The following OSBPL1A variants were observed in gnomAD, a reference collection of about 807,000 sequenced individuals.
OSBPL1A encodes oxysterol binding protein like 1A.
OSBPL1A carries 80 observed loss-of-function variants against 137.1 expected under a neutral mutation model. The observed-to-expected ratio is 0.58, with a 90% CI of 0.49 to 0.70. OSBPL1A has a LOEUF of 0.70. Among genes scored for constraint, OSBPL1A ranks in the 30% least tolerant of loss-of-function variants. The probability of loss-of-function intolerance (pLI) is 0.00; values close to 1 mark genes in which losing one functional copy is unlikely to be tolerated. For synonymous variants in OSBPL1A, 365 were observed against 389.7 expected (o/e 0.94, Z 0.75); for missense variants, 970 against 1,129.4 (o/e 0.86, Z 2.02).
chr18:24,350,419 T>C (rs1310785931), intron 4 of OSBPL1A, among the ~76,000 whole-genome samples: 1 of 152,160 alleles, frequency 6.6e-6, no homozygotes, highest in African/African-American at 2.4e-5. Context: ...CTAACTTTTT[T>C]TGTAAGTCAC....
intron 4 of OSBPL1A, among the ~76,000 whole-genome samples, chr18:24,364,068 G>A (rs1030248612): frequency 6.6e-6 from 1 of 152,128 alleles, no homozygotes; most frequent in African/African-American, 2.4e-5. Flanking sequence ...CCCTTGCTGT[G>A]TAATCTAACA....
At chr18:24,345,555 G>A (rs567083189) in intron 4 of OSBPL1A, among the ~76,000 whole-genome samples, 4 of 152,138 alleles carry the variant, frequency 2.6e-5, no homozygotes, top group East Asian at 1.9e-4. Context: ...GCGTAGTGGC[G>A]CACACCTGTA....
chr18:24,299,050 T>G (rs2146097013), intron 14 of OSBPL1A, among the ~76,000 whole-genome samples: 2 of 152,354 alleles, frequency 1.3e-5, no homozygotes, highest in African/African-American at 4.8e-5. Context: ...TAGCTACTCC[T>G]GCCTGCTTTT....
chr18:24,375,765 T>A (rs1016996388), intron 2 of OSBPL1A, among the ~76,000 whole-genome samples: 1 of 152,182 alleles, frequency 6.6e-6, no homozygotes, highest in Non-Finnish European at 1.5e-5. Context: ...CTCTTCATCA[T>A]TATCTCCAAG....
intron 16 of OSBPL1A, among the ~76,000 whole-genome samples, chr18:24,238,334 GTCCCACTGATC>G (rs2088564664): frequency 6.6e-6 from 1 of 152,008 alleles, no homozygotes; most frequent in African/African-American, 2.4e-5. Context: ...ATTTTTCTCA[GTCCCACTGATC>G]TCCAACCACC....
chr18:24,263,942 C>T (rs1234263633), intron 15 of OSBPL1A, among the ~76,000 whole-genome samples: 1 of 152,090 alleles, frequency 6.6e-6, no homozygotes, highest in East Asian at 1.9e-4. Flanking sequence ...CAGCCTATTC[C>T]TAACATTTTA....
At chr18:24,384,766 A>C (rs1393517962) in intron 1 of OSBPL1A, among the ~76,000 whole-genome samples, 1 of 151,582 alleles carries the variant, frequency 6.6e-6, no homozygotes, top group Non-Finnish European at 1.5e-5. Context: ...GCTACTTGAG[A>C]GGCTGAGGCA....
chr18:24,163,582 T>TA (rs1567910077), intron 27 of OSBPL1A, among the ~76,000 whole-genome samples: 1 of 152,226 alleles, frequency 6.6e-6, no homozygotes, highest in Non-Finnish European at 1.5e-5. Context: ...TGTATTTGTC[T>TA]AACGGGTTTA....
At chr18:24,165,278 C>T (rs1284768458) in intron 26 of OSBPL1A, 123 bp from the exon 27 acceptor site, 1 of 884,620 alleles carries the variant, frequency 1.1e-6, no homozygotes, top group Non-Finnish European at 1.7e-6. Context: ...TATTAGAACA[C>T]AAATACCAGA....
chr18:24,273,718 G>A (rs1398689244), intron 15 of OSBPL1A, among the ~76,000 whole-genome samples: 1 of 152,124 alleles, frequency 6.6e-6, no homozygotes, highest in Non-Finnish European at 1.5e-5. Context: ...TCCAGTTTGT[G>A]AATATATAAT....
At chr18:24,251,771 A>AT (rs898695726) in intron 15 of OSBPL1A, among the ~76,000 whole-genome samples, 24 of 152,238 alleles carry the variant, frequency 1.6e-4, no homozygotes, top group African/African-American at 5.5e-4. Context: ...GACATGTGAC[A>AT]TTTCAGAGTG....
intron 18 of OSBPL1A, among the ~76,000 whole-genome samples, chr18:24,190,562 A>C (rs897444376): frequency 6.6e-6 from 1 of 152,206 alleles, no homozygotes; most frequent in African/African-American, 2.4e-5. Context: ...AAGACACGAC[A>C]TGAGAAATAG....
chr18:24,195,009 A>G (rs2086985227), intron 18 of OSBPL1A, among the ~76,000 whole-genome samples: 1 of 152,182 alleles, frequency 6.6e-6, no homozygotes, highest in South Asian at 2.1e-4. Flanking sequence ...CATTGGAAAA[A>G]TGCCAGAGGC....
intron 16 of OSBPL1A, among the ~76,000 whole-genome samples, chr18:24,229,903 A>C (rs2088217034): frequency 6.6e-6 from 1 of 152,058 alleles, no homozygotes; most frequent in Non-Finnish European, 1.5e-5. Flanking sequence ...AGCGCGCGCC[A>C]CCATGCCCGG....
intron 7 of OSBPL1A, among the ~76,000 whole-genome samples, chr18:24,325,127 A>C (rs1239921553): frequency 6.6e-6 from 1 of 152,154 alleles, no homozygotes; most frequent in Non-Finnish European, 1.5e-5. Flanking sequence ...GAATTCTTAG[A>C]ATGTATAAGA....
intron 17 of OSBPL1A, among the ~76,000 whole-genome samples, chr18:24,214,039 G>A (rs2087622993): frequency 6.6e-6 from 1 of 152,142 alleles, no homozygotes; most frequent in Non-Finnish European, 1.5e-5. Context: ...CTTACTATAG[G>A]CCTGCTTCAC....
At chr18:24,303,551 G>A (rs974208639) in intron 14 of OSBPL1A, 86 bp downstream of exon 14, 1 of 1,104,550 alleles carries the variant, frequency 9.1e-7, no homozygotes, top group African/African-American at 1.6e-5. Context: ...ACCAAAAACT[G>A]TTTAAAAATG....
intron 1 of OSBPL1A, among the ~76,000 whole-genome samples, chr18:24,381,542 C>T (rs984361531): frequency 3.3e-5 from 5 of 152,180 alleles, no homozygotes; most frequent in African/African-American, 1.2e-4. Context: ...TTGTAATGCC[C>T]TTTCTTCAGT....
intron 16 of OSBPL1A, among the ~76,000 whole-genome samples, chr18:24,237,823 G>T (rs2088542845): frequency 6.6e-6 from 1 of 152,038 alleles, no homozygotes; most frequent in Non-Finnish European, 1.5e-5. Flanking sequence ...CCTCAGACAG[G>T]CTAAATACTT....
Sources: allele counts gnomAD v4.1 joint callset (sites outside exome capture counted in the v4.1 genomes callset), GRCh38; gene constraint gnomAD v4.1.1; transcripts MANE v1.5; gene names NCBI Gene and HGNC (gene_info 2026-07-23, HGNC 2026-07-21).